GTF2F2: variants seen among roughly 807,000 people sequenced by gnomAD.
GTF2F2 encodes the protein ATP-dependent helicase GTF2F2.
GTF2F2 carries 23 observed loss-of-function variants against 42.2 expected under a neutral mutation model. The observed-to-expected ratio is 0.55, with a 90% confidence interval of 0.39 to 0.77. GTF2F2 has a LOEUF of 0.77. Among genes scored for constraint, GTF2F2 ranks in the 30% least tolerant of loss-of-function variants. The probability of loss-of-function intolerance (pLI) is 0.00; values close to 1 mark genes in which losing one functional copy is unlikely to be tolerated. For synonymous variants in GTF2F2, 105 were observed against 100.8 expected (o/e 1.04, Z -0.25); for missense variants, 261 against 287.2 (o/e 0.91, Z 0.66).
chr13:45,151,181 G>A (rs1205839769), intron 3 of GTF2F2, among the ~76,000 whole-genome samples: 1 of 151,964 alleles, frequency 6.6e-6, no homozygotes, highest in African/African-American at 2.4e-5. Flanking sequence ...CTTTAGGTCC[G>A]TGTCTACCCA....
intron 4 of GTF2F2, among the ~76,000 whole-genome samples, chr13:45,171,376 A>G (rs911196421): frequency 1.3e-5 from 2 of 151,988 alleles, no homozygotes; most frequent in South Asian, 4.1e-4. Flanking sequence ...GCCTAAAACC[A>G]TATCTTGACT....
intron 7 of GTF2F2, among the ~76,000 whole-genome samples, chr13:45,272,078 A>T (rs1876816335): frequency 6.7e-6 from 1 of 149,120 alleles, no homozygotes; most frequent in Non-Finnish European, 1.5e-5. Context: ...TTAAATTTTT[A>T]TATTTTTATA....
chr13:45,165,610 T>C (rs1245065196), intron 4 of GTF2F2, among the ~76,000 whole-genome samples: 2 of 147,582 alleles, frequency 1.4e-5, no homozygotes, highest in Admixed American at 6.8e-5. Flanking sequence ...TTCTGGAAAA[T>C]TTCAAAACAT....
chr13:45,277,734 T>C (rs1329985748), intron 7 of GTF2F2, among the ~76,000 whole-genome samples: 1 of 152,234 alleles, frequency 6.6e-6, no homozygotes, highest in Non-Finnish European at 1.5e-5. Flanking sequence ...ACAAAAATCA[T>C]GTAAAGATGA....
chr13:45,162,810 C>G (rs143749763), intron 4 of GTF2F2, among the ~76,000 whole-genome samples: 2 of 152,110 alleles, frequency 1.3e-5, no homozygotes, highest in African/African-American at 4.8e-5. Flanking sequence ...ATATTTCAAA[C>G]CTACAGAAAA....
chr13:45,245,898 G>A (rs1422868136), intron 5 of GTF2F2, among the ~76,000 whole-genome samples: 17 of 132,692 alleles, frequency 1.3e-4, no homozygotes, highest in Non-Finnish European at 2.5e-4. Context: ...CCCAGACTGC[G>A]CCATTGCACT....
chr13:45,220,390 A>G (rs1874058799), intron 5 of GTF2F2, among the ~76,000 whole-genome samples: 1 of 152,210 alleles, frequency 6.6e-6, no homozygotes, highest in African/African-American at 2.4e-5. Context: ...AATTGATCAT[A>G]CTAATTTAAT....
chr13:45,143,794 A>C (rs1870051236), intron 2 of GTF2F2, among the ~76,000 whole-genome samples: 2 of 152,222 alleles, frequency 1.3e-5, no homozygotes, highest in South Asian at 4.1e-4. Context: ...ACTCGAAAAA[A>C]GGAGAGTCCA....
chr13:45,209,702 A>C (rs1873556230), intron 5 of GTF2F2, among the ~76,000 whole-genome samples: 1 of 152,196 alleles, frequency 6.6e-6, no homozygotes, highest in Non-Finnish European at 1.5e-5. Context: ...AACATCAAAC[A>C]TACATACAAA....
At chr13:45,276,134 A>C (rs1170294684) in intron 7 of GTF2F2, among the ~76,000 whole-genome samples, 1 of 152,220 alleles carries the variant, frequency 6.6e-6, no homozygotes, top group Non-Finnish European at 1.5e-5. Flanking sequence ...AAAGAATCAG[A>C]AGATTTTTGA....
At chr13:45,123,485 T>G (rs999828714) in intron 1 of GTF2F2, 4 of 151,996 alleles carry the variant, frequency 2.6e-5, no homozygotes, top group African/African-American at 9.7e-5. Context: ...AAAAGTTAGC[T>G]GGGCGTGGTG....
chr13:45,174,925 C>T (rs1024875779), intron 4 of GTF2F2, among the ~76,000 whole-genome samples: 2 of 152,132 alleles, frequency 1.3e-5, no homozygotes, highest in Non-Finnish European at 2.9e-5. Context: ...GCATATCTGT[C>T]ACCTCAAACA....
intron 4 of GTF2F2, among the ~76,000 whole-genome samples, chr13:45,188,705 G>T (rs1872519543): frequency 6.6e-6 from 1 of 152,144 alleles, no homozygotes; most frequent in Admixed American, 6.5e-5. Flanking sequence ...CAAGTTAGTG[G>T]AAGTTAATGG....
At chr13:45,257,160 C>T (rs1876136353) in intron 6 of GTF2F2, among the ~76,000 whole-genome samples, 1 of 152,154 alleles carries the variant, frequency 6.6e-6, no homozygotes, top group African/African-American at 2.4e-5. Flanking sequence ...AGTTCACAAA[C>T]TATCTGGGTA....
chr13:45,178,385 A>T (rs2138152892), intron 4 of GTF2F2, among the ~76,000 whole-genome samples: 1 of 145,908 alleles, frequency 6.9e-6, no homozygotes, highest in East Asian at 2.0e-4. Context: ...TTCTTTTTTG[A>T]ATCTGTGACA....
chr13:45,150,342 A>T (rs1292882714), intron 3 of GTF2F2, among the ~76,000 whole-genome samples: 1 of 152,190 alleles, frequency 6.6e-6, no homozygotes, highest in South Asian at 2.1e-4. Context: ...TTATTGAGCT[A>T]TCCTTTTAAC....
At chr13:45,261,146 G>A (rs1028556438) in intron 6 of GTF2F2, among the ~76,000 whole-genome samples, 2 of 151,972 alleles carry the variant, frequency 1.3e-5, no homozygotes, top group Admixed American at 6.6e-5. Context: ...AGGTTTGGGG[G>A]CCGGGTGCAG....
At position 45,283,694 on chromosome 13, in the gene GTF2F2, T is replaced by C; in HGVS notation, c.*133T>C. 1 of 605,592 alleles carries C rather than the reference T, an allele frequency of 1.7e-6. No individual in the cohort carries two copies. Among genetic ancestry groups the C allele is most frequent in the Non-Finnish European group, 2.5e-6 (1 of 400,152 alleles). 37.5% of individuals were successfully genotyped at this position (605,592 alleles called of 1,614,324 possible). A position where few individuals can be genotyped will look rare whatever the true frequency, so the allele number is the denominator to read the frequency against. On this transcript the variant is annotated 3_prime_UTR_variant, in exon 8 of 8. Transcript: ENST00000340473. ...GTACTTTGATTTCTCTCGGTAAATT[T>C]TTTAAACCTGTAATTCTTGTAAAGT...
chr13:45,202,688 C>T (rs1315004130), intron 4 of GTF2F2, among the ~76,000 whole-genome samples: 1 of 152,150 alleles, frequency 6.6e-6, no homozygotes, highest in Non-Finnish European at 1.5e-5. Context: ...CACGGTGGCT[C>T]ACGCCTGTAA....
Sources: allele counts gnomAD v4.1 joint callset (sites outside exome capture counted in the v4.1 genomes callset), GRCh38; gene constraint gnomAD v4.1.1; transcripts MANE v1.5; gene names NCBI Gene and HGNC (gene_info 2026-07-23, HGNC 2026-07-21).